The following TENM4 variants were observed in gnomAD, a reference collection of about 807,000 sequenced individuals.
The protein encoded by TENM4 is teneurin-4.
A neutral mutation model predicts 243.3 loss-of-function variants in TENM4; 82 were observed. That is an observed-to-expected ratio of 0.34 (90% CI 0.28 to 0.40). TENM4 has a LOEUF of 0.40. TENM4 is among the 10% of genes least tolerant of loss of function. TENM4 has a pLI of 1.00. For missense variants in TENM4, 3,138 were observed against 3,673.3 expected (o/e 0.85, Z 3.77); for synonymous variants, 1,412 against 1,456.3 (o/e 0.97, Z 0.69).
chr11:79,238,467 C>T (rs1464565857), intron 2 of TENM4, among the ~76,000 whole-genome samples: 1 of 152,126 alleles, frequency 6.6e-6, no homozygotes, highest in African/African-American at 2.4e-5. Flanking sequence ...TCCATCTCCT[C>T]CTGCCTTTGG....
intron 6 of TENM4, among the ~76,000 whole-genome samples, chr11:78,981,908 A>C (rs684914): frequency 0.57 from 86,961 of 151,588 alleles, 26,026 homozygotes; most frequent in African/African-American, 0.74. Flanking sequence ...TGCCAGCAAC[A>C]CCCAGCTCAG....
At chr11:78,782,800 G>A (rs1337207147) in intron 16 of TENM4, among the ~76,000 whole-genome samples, 1 of 151,700 alleles carries the variant, frequency 6.6e-6, no homozygotes, top group Admixed American at 6.6e-5. Context: ...ACAAAGCACG[G>A]AAGATTTTGT....
At chr11:79,260,956 T>C (rs1189912618) in intron 2 of TENM4, among the ~76,000 whole-genome samples, 2 of 152,160 alleles carry the variant, frequency 1.3e-5, no homozygotes, top group Non-Finnish European at 2.9e-5. Context: ...AATTTCTTCT[T>C]GGAAACAGAG....
chr11:79,192,368 G>A (rs577734536), intron 3 of TENM4, among the ~76,000 whole-genome samples: 4 of 152,328 alleles, frequency 2.6e-5, no homozygotes, highest in Non-Finnish European at 5.9e-5. Flanking sequence ...GATGGTTGCC[G>A]TGTCTGTGTA....
intron 1 of TENM4, among the ~76,000 whole-genome samples, chr11:79,311,787 T>C (rs1167427397): frequency 6.6e-6 from 1 of 152,188 alleles, no homozygotes; most frequent in Non-Finnish European, 1.5e-5. Flanking sequence ...CTCTTCCTCT[T>C]TTGGAGCAAT....
intron 1 of TENM4, among the ~76,000 whole-genome samples, chr11:79,427,383 T>G (rs1393113106): frequency 2.0e-5 from 3 of 152,178 alleles, no homozygotes; most frequent in Non-Finnish European, 4.4e-5. Flanking sequence ...ATTAGTTAAA[T>G]AAATAATGGT....
At chr11:79,280,681 C>T (rs1349774842) in intron 2 of TENM4, among the ~76,000 whole-genome samples, 2 of 152,210 alleles carry the variant, frequency 1.3e-5, no homozygotes, top group Non-Finnish European at 2.9e-5. Context: ...TCCCAATTAA[C>T]CCTCCTGAAG....
intron 1 of TENM4, among the ~76,000 whole-genome samples, chr11:79,366,589 G>C (rs552875367): frequency 1.5e-3 from 228 of 152,308 alleles, no homozygotes; most frequent in Admixed American, 3.5e-3. Flanking sequence ...GAGTTCCAAA[G>C]GTAATGTAAC....
chr11:78,919,764 C>A (rs1856405501), intron 6 of TENM4, among the ~76,000 whole-genome samples: 1 of 152,096 alleles, frequency 6.6e-6, no homozygotes, highest in Non-Finnish European at 1.5e-5. Flanking sequence ...TGCTTAAAAA[C>A]GTGAGTTGGA....
intron 31 of TENM4, 90 bp downstream of exon 31, chr11:78,671,943 C>G (rs959643911): frequency 3.4e-6 from 5 of 1,460,562 alleles, no homozygotes; most frequent in Non-Finnish European, 4.6e-6. Flanking sequence ...GGGTCAGATA[C>G]AGCCCACTGA....
At chr11:78,943,737 C>T (rs1370274855) in intron 6 of TENM4, among the ~76,000 whole-genome samples, 1 of 152,150 alleles carries the variant, frequency 6.6e-6, no homozygotes, top group African/African-American at 2.4e-5. Context: ...AATACACCGT[C>T]AAGAATCTTG....
At chr11:79,422,408 A>G (rs781316124) in intron 1 of TENM4, among the ~76,000 whole-genome samples, 14 of 152,024 alleles carry the variant, frequency 9.2e-5, no homozygotes, top group Admixed American at 2.0e-4. Context: ...CAATTTACTT[A>G]CCATCTCTTT....
At chr11:79,325,624 C>T (rs1489289568) in intron 1 of TENM4, among the ~76,000 whole-genome samples, 1 of 152,204 alleles carries the variant, frequency 6.6e-6, no homozygotes, top group Non-Finnish European at 1.5e-5. Flanking sequence ...CCAGTACTCG[C>T]TCAGGAAGGC....
At position 78,845,390 on chromosome 11, in the gene TENM4, T is replaced by C. The variant is rs145605421; in HGVS notation, c.1681+8714A>G. On this transcript the variant is annotated intron_variant, in intron 12 of 33. Transcript: ENST00000278550. The stretch of plus-strand genomic sequence containing the variant: ...ATGAGTTTGGTGAGGGTAAGACTTA[T>C]CCAAAATCCCACAGCTCATAACTAA... 2.8e-3 allele frequency among the ~76,000 whole-genome samples: 421 copies of C among 152,304 alleles called. 1 individual carries two copies. The highest frequency in any genetic ancestry group is 0.02 in the Middle Eastern group (6 of 294).
In TENM4 at chr11:79,164,111, C is replaced by G. The variant is rs28782589; in HGVS notation, c.-162-15305G>C. ...ACTATGTATATATAGTATATATACACTATATATACTATGTATATATAGTAT... is the reference window on the plus strand; with the variant it reads ...ACTATGTATATATAGTATATATACAGTATATATACTATGTATATATAGTAT... On this transcript the variant is annotated intron_variant, in intron 3 of 33. Transcript: ENST00000278550. 3.5e-4 allele frequency among the ~76,000 whole-genome samples: 17 copies of G among 48,228 alleles called. No homozygotes were observed. The South Asian group carries it at 4.8e-3, about 14-fold the overall frequency. 31.6% of individuals were successfully genotyped at this position (48,228 alleles called of 152,430 possible). A position where few individuals can be genotyped will look rare whatever the true frequency, so the allele number is the denominator to read the frequency against.
intron 12 of TENM4, among the ~76,000 whole-genome samples, chr11:78,823,456 T>A (rs1358921710): frequency 6.6e-6 from 1 of 152,186 alleles, no homozygotes; most frequent in African/African-American, 2.4e-5. Flanking sequence ...AACTAAAATG[T>A]ACCCAGGGAA....
At chr11:79,342,615 T>C (rs1857260482) in intron 1 of TENM4, among the ~76,000 whole-genome samples, 1 of 152,138 alleles carries the variant, frequency 6.6e-6, no homozygotes, top group African/African-American at 2.4e-5. Context: ...AGAGAATCAC[T>C]TGGGGGAGTT....
At chr11:79,311,606 A>G (rs1417197030) in intron 1 of TENM4, among the ~76,000 whole-genome samples, 1 of 152,144 alleles carries the variant, frequency 6.6e-6, no homozygotes, top group African/African-American at 2.4e-5. Flanking sequence ...AGTGAAATCA[A>G]ATTTATGTGC....
chr11:78,688,500 C>T (rs1250181077), intron 28 of TENM4, among the ~76,000 whole-genome samples: 2 of 152,080 alleles, frequency 1.3e-5, no homozygotes, highest in Non-Finnish European at 2.9e-5. Flanking sequence ...CTGCCTACTG[C>T]CCAGGAGTAC....
Sources: gnomAD v4.1 joint callset for allele counts (sites outside exome capture counted in the v4.1 genomes callset) on GRCh38, gnomAD v4.1.1 for gene constraint, MANE v1.5 for transcripts, NCBI Gene and HGNC (gene_info 2026-07-23, HGNC 2026-07-21) for gene names.